CNPY4: variants seen among roughly 807,000 people sequenced by gnomAD.
The protein encoded by CNPY4 is protein canopy homolog 4.
CNPY4 carries 33 observed loss-of-function variants against 30.1 expected under a neutral mutation model. The observed-to-expected ratio is 1.10, with a 90% CI of 0.83 to 1.46. The LOEUF is 1.46. CNPY4 is among the 40% of genes most tolerant of loss of function. CNPY4 has a pLI of 0.00. For missense variants in CNPY4, 324 were observed against 302.6 expected (o/e 1.07, Z -0.52); for synonymous variants, 109 against 110.1 (o/e 0.99, Z 0.06).
At chr7:100,120,014 A>G in intron 1 of CNPY4, 152 bp downstream of exon 1, 2 of 647,642 alleles carry the variant, frequency 3.1e-6, no homozygotes. Context: ...GATGGGGTCA[A>G]GGAAGCGAAC....
intron 1 of CNPY4, chr7:100,121,116 A>ATATACATATATTTT (rs1584585316): frequency 1.9e-5 from 1 of 52,800 alleles, no homozygotes; most frequent in Non-Finnish European, 3.2e-5. Flanking sequence ...ATATATATAT[A>ATATACATATATTTT]TTTTTTTTTT....
intron 3 of CNPY4, 76 bp from the exon 4 acceptor site, chr7:100,122,707 CA>C: frequency 6.5e-7 from 1 of 1,533,320 alleles, no homozygotes. Flanking sequence ...CAGTAGTTGA[CA>C]AAACTGAAAT....
rs547648272 is a variant in CNPY4, at chr7:100,122,234, C to A, written c.119-25C>A. 17 of 1,613,306 alleles carry A rather than the reference C, an allele frequency of 1.1e-5. No homozygotes were observed. In the African/African-American group the frequency reaches 1.5e-4, roughly 14 times the overall value. ...CTGGTGTGTTTGTCTTTTACCTCCC[C>A]CCGGACGTTTCTCCTCCCCACCAGT... On this transcript the variant is annotated intron_variant, in intron 1 of 5. Coordinates refer to ENST00000262932, the MANE Select transcript of CNPY4 (RefSeq NM_152755.2).
chr7:100,122,941 G>C (rs894159880), intron 4 of CNPY4, 35 bp downstream of exon 4: 33 of 1,584,700 alleles, frequency 2.1e-5, no homozygotes, highest in Non-Finnish European at 2.5e-5. Flanking sequence ...AGGGAGGTGA[G>C]AAGGGAACCT....
At chr7:100,121,019 A>G (rs959208319) in intron 1 of CNPY4, 14 of 139,224 alleles carry the variant, frequency 1.0e-4, no homozygotes, top group Admixed American at 9.5e-4. Context: ...CAGCCTTTAT[A>G]TATGTTGATT....
rs1434860981 is a variant in CNPY4, at chr7:100,122,918, C to G, written c.465+12C>G. 6.2e-7 allele frequency: 1 copy of G among 1,607,632 alleles called. No homozygotes were observed. The highest frequency in any genetic ancestry group is 8.5e-7 in the Non-Finnish European group (1 of 1,176,570). On this transcript the variant is annotated intron_variant, in intron 4 of 5. Transcript: ENST00000262932. ...ACCTCAAGAAGCAGGTAGGATAAGA[C>G]ACTGCACCATCCAGGGAGGTGAGAA...
rs767734365 is a variant in CNPY4 at position 100,124,798 on chromosome 7, GGAGGAGGAGGAGGAA to G, written c.666_680del (p.Glu225_Glu229del). 3.2e-6 allele frequency: 5 copies of G among 1,575,700 alleles called. No homozygotes were observed. The African/African-American group carries it at 8.4e-5, about 27-fold the overall frequency. ...AGAAAACAGAAGGGGAGGAAGAGCAGGAGGAGGAGGAGGAAGAGGAGGAAGAGGAAGGGGGAGACA... is the reference window on the plus strand; with the variant it reads ...AGAAAACAGAAGGGGAGGAAGAGCAGGAGGAGGAAGAGGAAGGGGGAGACA... On this transcript the variant is annotated inframe_deletion, in exon 6 of 6. Transcript: ENST00000262932.
chr7:100,121,954 G>A, intron 1 of CNPY4: 1 of 276,372 alleles, frequency 3.6e-6, no homozygotes, highest in Non-Finnish European at 7.1e-6. Context: ...GGAGACTGAG[G>A]CAGGAGAATG....
At chr7:100,119,923 G>A in intron 1 of CNPY4, 61 bp downstream of exon 1, 1 of 1,479,432 alleles carries the variant, frequency 6.8e-7, no homozygotes, top group Non-Finnish European at 9.2e-7. Context: ...TTCTAGGCCG[G>A]ACATCCTAGC....
At position 100,122,848 on chromosome 7, in the gene CNPY4, G is replaced by A; in HGVS notation, c.407G>A (p.Gly136Glu). 3.1e-6 allele frequency: 5 copies of A among 1,613,796 alleles called. No individual in the cohort carries two copies. The highest frequency in any genetic ancestry group is 4.2e-6 in the Non-Finnish European group (5 of 1,179,906). ...LVQKGVKVDL[G>E]IPLELWDEPS... ...CAGAAGGGGGTGAAGGTGGATCTGG[G>A]GATCCCTCTGGAGCTTTGGGATGAG... Residue 136 changes from glycine (G) to glutamate (E), a missense_variant, in exon 4 of 6, where the codon GGG (glycine) becomes GAG (glutamate). Physicochemically the swap from Gly to Glu is moderately conservative, Grantham distance 98 (BLOSUM62 -2). Transcript: ENST00000262932.
At chr7:100,123,937 G>A (rs1427482702) in intron 4 of CNPY4, among the ~76,000 whole-genome samples, 4 of 152,046 alleles carry the variant, frequency 2.6e-5, no homozygotes, top group Admixed American at 6.6e-5. Context: ...AAGACCAGCC[G>A]GGCCATCATA....
At chr7:100,123,599 C>T (rs1022779679) in intron 4 of CNPY4, among the ~76,000 whole-genome samples, 1 of 152,078 alleles carries the variant, frequency 6.6e-6, no homozygotes, top group African/African-American at 2.4e-5. Context: ...CGGCTCACCG[C>T]GACCTCCGCC....
At position 100,122,552 on chromosome 7, in the gene CNPY4, G is replaced by C; in HGVS notation, c.317G>C (p.Arg106Pro). The C allele has an allele frequency of 6.2e-7, 1 of 1,612,076 alleles. No homozygotes were observed. The change falls in exon 3 of 6, where the codon CGC (arginine) becomes CCC (proline). Residue 106 changes from arginine to proline, a missense_variant. Coordinates refer to ENST00000262932, the MANE Select transcript of CNPY4 (RefSeq NM_152755.2). ...CTGGACTATAGTGTTCACGCTGAGC[G>C]CAAGGGCTCACTGAGATATGCCAAG... Reference protein sequence around the residue: ...RILDYSVHAERKGSLRYAKGQ... With the variant: ...RILDYSVHAEPKGSLRYAKGQ...
In CNPY4 at chr7:100,122,535, T is replaced by C. The variant is rs1458621435; in HGVS notation, c.300T>C (p.Tyr100=). Reference sequence around the variant, plus strand: ...ATTTATGTGAGCGGATCCTGGACTATAGTGTTCACGCTGAGCGCAAGGGCT... The same window carrying C: ...ATTTATGTGAGCGGATCCTGGACTACAGTGTTCACGCTGAGCGCAAGGGCT... ...LENLCERILD[Y]SVHAERKGSL... The change falls in exon 3 of 6, where the codon TAT becomes TAC. Residue 100 remains tyrosine (Y), a synonymous_variant. Coordinates refer to ENST00000262932, the MANE Select transcript of CNPY4 (RefSeq NM_152755.2). The C allele has an allele frequency of 5.6e-6, 9 of 1,613,672 alleles. No individual in the cohort carries two copies. Among genetic ancestry groups the C allele is most frequent in the Admixed American group, 1.7e-5 (1 of 59,960 alleles).
At chr7:100,123,372 AAAG>A (rs1266341532) in intron 4 of CNPY4, among the ~76,000 whole-genome samples, 2 of 151,686 alleles carry the variant, frequency 1.3e-5, no homozygotes, top group Non-Finnish European at 2.9e-5. Flanking sequence ...AAACAAAAAA[AAAG>A]AAATCATAAT....
In CNPY4 at chr7:100,122,290, G is replaced by A. The variant is rs754578843; in HGVS notation, c.150G>A (p.Ala50=). The A allele has an allele frequency of 2.3e-5, 37 of 1,613,918 alleles. No individual in the cohort carries two copies. The highest frequency in any genetic ancestry group is 4.0e-5 in the African/African-American group (3 of 74,918). Residue 50 remains alanine, a synonymous_variant, in exon 2 of 6, where the codon GCG becomes GCA. Coordinates refer to ENST00000262932, the MANE Select transcript of CNPY4 (RefSeq NM_152755.2). The part of the protein sequence containing the change: ...VCKLLSTELQ[A]ELSRTGRSRE... Reference sequence around the variant, plus strand: ...AGCTGCTGAGCACAGAGCTACAGGCGGAACTGAGTCGCACCGGTCGATCTC... The same window carrying A: ...AGCTGCTGAGCACAGAGCTACAGGCAGAACTGAGTCGCACCGGTCGATCTC...
In CNPY4 at chr7:100,121,181, C is replaced by T. The variant is rs1798055660; in HGVS notation, c.119-1078C>T. ...TTCAGACAGCGTCTCATGCCGTTGCCCAGGCTGGAGTGCAGTGGTGCAATC... is the reference window on the plus strand; with the variant it reads ...TTCAGACAGCGTCTCATGCCGTTGCTCAGGCTGGAGTGCAGTGGTGCAATC... On this transcript the variant is annotated intron_variant, in intron 1 of 5. Transcript: ENST00000262932. 5.8e-5 allele frequency: 7 copies of T among 120,850 alleles called. No individual in the cohort carries two copies. In the Admixed American group the frequency reaches 7.4e-4, roughly 13 times the overall value. The allele number at this position is 120,850 out of a possible 1,614,324, so 7.5% of individuals were successfully genotyped here. A position where few individuals can be genotyped will look rare whatever the true frequency, so the allele number is the denominator to read the frequency against.
In CNPY4 at chr7:100,122,293, A is replaced by C. The variant is rs762907281; in HGVS notation, c.153A>C (p.Glu51Asp). ...CKLLSTELQAELSRTGRSREV... is the reference protein window; with the variant it reads ...CKLLSTELQADLSRTGRSREV... ...TGCTGAGCACAGAGCTACAGGCGGA[A>C]CTGAGTCGCACCGGTCGATCTCGAG... The change falls in exon 2 of 6, where the codon GAA becomes GAC. Residue 51 changes from glutamate (E) to aspartate (D), a missense_variant. Physicochemically the swap from Glu to Asp is conservative, Grantham distance 45. Transcript: ENST00000262932. 1.2e-6 allele frequency: 2 copies of C among 1,613,990 alleles called. No homozygotes were observed. The highest frequency in any genetic ancestry group is 2.7e-5 in the African/African-American group (2 of 74,918).
Position 100,122,310 on chromosome 7 carries a change from G to T in CNPY4, c.170G>T (p.Arg57Leu), listed in dbSNP as rs763707271. The T allele has an allele frequency of 6.2e-7, 1 of 1,614,106 alleles. No individual in the cohort carries two copies. The highest frequency in any genetic ancestry group is 8.5e-7 in the Non-Finnish European group (1 of 1,180,014). Residue 57 changes from arginine (R) to leucine (L), a missense_variant, in exon 2 of 6, where the codon CGA (arginine) becomes CTA (leucine). By Grantham distance (102) the Arg-to-Leu change is moderately radical. Transcript: ENST00000262932. ...CAGGCGGAACTGAGTCGCACCGGTC[G>T]ATCTCGAGAGGTGCTGGAGCTGGGG... The part of the protein sequence containing the change: ...ELQAELSRTG[R>L]SREVLELGQV...
Sources: allele counts gnomAD v4.1 joint callset (sites outside exome capture counted in the v4.1 genomes callset), GRCh38; gene constraint gnomAD v4.1.1; transcripts MANE v1.5; gene names NCBI Gene and HGNC (gene_info 2026-07-23, HGNC 2026-07-21).